Variants in TNIK observed in about 807,000 individuals in gnomAD.
The protein encoded by TNIK is TRAF2 and NCK interacting kinase.
A neutral mutation model predicts 191.3 loss-of-function variants in TNIK; 49 were observed. That is an observed-to-expected ratio of 0.26 (90% CI 0.20 to 0.32). The LOEUF is 0.32. Ranked by LOEUF, TNIK falls within the 10% of genes least tolerant of loss-of-function variation. The pLI is 1.00. For missense variants in TNIK, 1,155 were observed against 1,702.3 expected, an observed-to-expected ratio of 0.68 and a Z score of 5.66; for synonymous variants, 594 against 600.9, an observed-to-expected ratio of 0.99 and a Z score of 0.17.
At chr3:171,318,013 T>A (rs555864126) in intron 2 of TNIK, among the ~76,000 whole-genome samples, 99 of 152,300 alleles carry the variant, frequency 6.5e-4, no homozygotes, top group African/African-American at 2.4e-3. Flanking sequence ...AGCATCTAAT[T>A]CTTAAAGCTC....
intron 1 of TNIK, among the ~76,000 whole-genome samples, chr3:171,459,152 G>A (rs995372724): frequency 2.6e-5 from 4 of 151,784 alleles, no homozygotes; most frequent in African/African-American, 9.7e-5. Flanking sequence ...GAAGGTAAAC[G>A]CAAACCAGTG....
At chr3:171,072,450 A>G (rs1719309754) in intron 28 of TNIK, among the ~76,000 whole-genome samples, 1 of 152,136 alleles carries the variant, frequency 6.6e-6, no homozygotes, top group Non-Finnish European at 1.5e-5. Flanking sequence ...AATAAGAGCC[A>G]TATATGACAA....
intron 9 of TNIK, among the ~76,000 whole-genome samples, chr3:171,171,633 T>C (rs1735296180): frequency 6.6e-6 from 1 of 152,218 alleles, no homozygotes; most frequent in Non-Finnish European, 1.5e-5. Flanking sequence ...CACTGTCTTA[T>C]ACTTAATGGA....
At chr3:171,437,891 GA>G (rs1726220684) in intron 1 of TNIK, among the ~76,000 whole-genome samples, 1 of 152,214 alleles carries the variant, frequency 6.6e-6, no homozygotes, top group Non-Finnish European at 1.5e-5. Flanking sequence ...AGGTGCTGAG[GA>G]AATCCGGGGA....
intron 2 of TNIK, among the ~76,000 whole-genome samples, chr3:171,264,716 G>A (rs1231095826): frequency 2.6e-5 from 4 of 152,104 alleles, no homozygotes; most frequent in African/African-American, 9.7e-5. Flanking sequence ...CAATGAATGT[G>A]CACAGCTTAA....
At chr3:171,308,063 T>TAGAA (rs1159794536) in intron 2 of TNIK, among the ~76,000 whole-genome samples, 6 of 152,076 alleles carry the variant, frequency 3.9e-5, no homozygotes, top group Non-Finnish European at 8.8e-5. Context: ...TTCACAGAAT[T>TAGAA]AGAAAAAACT....
chr3:171,071,108 A>C, intron 29 of TNIK, 115 bp downstream of exon 29: 1 of 648,550 alleles, frequency 1.5e-6, no homozygotes, highest in Non-Finnish European at 2.4e-6. Context: ...ACACTTTTAA[A>C]ACAGGTTTAT....
chr3:171,154,340 G>T lies in TNIK; in HGVS notation c.1221+3120C>A, dbSNP rs551691977. Among the ~76,000 whole-genome samples the T allele has an allele frequency of 9.2e-5, 14 of 152,116 alleles. No individual in the cohort carries two copies. The East Asian group carries it at 2.5e-3, about 27-fold the overall frequency. On this transcript the variant is annotated intron_variant, in intron 12 of 32. Transcript: ENST00000436636. ...ATAGAACTGGTTATTTTTATAACTG[G>T]ACAATGTTAGGATGGTCTTGAAGGG...
chr3:171,192,381 A>G (rs906868901), intron 5 of TNIK, among the ~76,000 whole-genome samples: 2 of 152,204 alleles, frequency 1.3e-5, no homozygotes, highest in Admixed American at 1.3e-4. Flanking sequence ...GAGATCATAC[A>G]ATGCATGGAG....
intron 2 of TNIK, among the ~76,000 whole-genome samples, chr3:171,257,395 G>T (rs1241171361): frequency 6.6e-6 from 1 of 152,176 alleles, no homozygotes; most frequent in Non-Finnish European, 1.5e-5. Context: ...ACCACTCTCA[G>T]CTTCAGTCAC....
At chr3:171,246,075 G>A (rs890336051) in intron 2 of TNIK, among the ~76,000 whole-genome samples, 1 of 152,166 alleles carries the variant, frequency 6.6e-6, no homozygotes, top group Non-Finnish European at 1.5e-5. Context: ...ATGTGTGAGT[G>A]AGGGAGGAAG....
chr3:171,331,686 T>C (rs1756433097), intron 2 of TNIK, among the ~76,000 whole-genome samples: 1 of 152,206 alleles, frequency 6.6e-6, no homozygotes, highest in African/African-American at 2.4e-5. Context: ...GGACAAATGA[T>C]TTAAAGAGGG....
chr3:171,323,604 C>T (rs1755413305), intron 2 of TNIK, among the ~76,000 whole-genome samples: 1 of 152,264 alleles, frequency 6.6e-6, no homozygotes, highest in South Asian at 2.1e-4. Context: ...ATTACAATTT[C>T]GCGAACCTAT....
chr3:171,360,297 G>A (rs1247690443), intron 2 of TNIK, among the ~76,000 whole-genome samples: 1 of 152,198 alleles, frequency 6.6e-6, no homozygotes, highest in African/African-American at 2.4e-5. Flanking sequence ...ATGCCACCAG[G>A]CCACATGGGT....
At chr3:171,162,471 G>A (rs1353210463) in intron 10 of TNIK, among the ~76,000 whole-genome samples, 7 of 152,188 alleles carry the variant, frequency 4.6e-5, no homozygotes, top group Non-Finnish European at 1.0e-4. Flanking sequence ...TTTAAAATGT[G>A]TTTTGATTGA....
intron 28 of TNIK, 176 bp from the exon 29 acceptor site, chr3:171,071,499 C>T: frequency 1.7e-6 from 1 of 579,864 alleles, no homozygotes; most frequent in Non-Finnish European, 3.0e-6. Flanking sequence ...TTTAGCTTCC[C>T]TTAGCGAACT....
intron 7 of TNIK, among the ~76,000 whole-genome samples, chr3:171,179,636 A>G (rs1736408893): frequency 6.6e-6 from 1 of 151,934 alleles, no homozygotes; most frequent in South Asian, 2.1e-4. Context: ...TGTTTTTAGT[A>G]GAGACGGGTT....
rs540974120 is a variant in TNIK, at chr3:171,181,163, G to A, written c.640-3783C>T. ...AGCTGAGAATAGGCTTTTAAGACAG[G>A]CAGATCCGAATTCAAATAGAGGTTT... On this transcript the variant is annotated intron_variant, in intron 7 of 32. Transcript: ENST00000436636. 3.9e-5 allele frequency among the ~76,000 whole-genome samples: 6 copies of A among 152,330 alleles called. No homozygotes were observed. The South Asian group carries it at 1.2e-3, about 32-fold the overall frequency.
At chr3:171,356,968 C>G (rs550260170) in intron 2 of TNIK, among the ~76,000 whole-genome samples, 238 of 152,092 alleles carry the variant, frequency 1.6e-3, no homozygotes, top group Non-Finnish European at 3.0e-3. Flanking sequence ...CTCCAAAAAC[C>G]CATCTCTGAT....
Sources: allele counts gnomAD v4.1 joint callset (sites outside exome capture counted in the v4.1 genomes callset), GRCh38; gene constraint gnomAD v4.1.1; transcripts MANE v1.5; gene names NCBI Gene and HGNC (gene_info 2026-07-23, HGNC 2026-07-21).